RIBC1: variants seen among roughly 807,000 people sequenced by gnomAD.
The protein encoded by RIBC1 is RIB43A domain with coiled-coils 1.
RIBC1 carries 12 observed loss-of-function variants against 33.7 expected under a neutral mutation model. The observed-to-expected ratio is 0.36, with a 90% CI of 0.23 to 0.58. The LOEUF is 0.58. Among genes scored for constraint, RIBC1 ranks in the 20% least tolerant of loss-of-function variants. The pLI, the probability that RIBC1 is intolerant of heterozygous loss-of-function variation, is 0.81. For synonymous variants in RIBC1, 89 were observed against 109.0 expected, an observed-to-expected ratio of 0.82 and a Z score of 1.14; for missense variants, 242 against 311.6, an observed-to-expected ratio of 0.78 and a Z score of 1.68.
At chrX:53,430,080 A>T in intron 6 of RIBC1, 108 bp downstream of exon 6, 4 of 662,585 alleles carry the variant, frequency 6.0e-6, no homozygotes, top group Non-Finnish European at 9.4e-6. Flanking sequence ...AATCAGCATC[A>T]GCCCTCTCAT....
intron 5 of RIBC1, 128 bp from the exon 6 acceptor site, chrX:53,429,726 T>G: frequency 2.8e-6 from 3 of 1,080,536 alleles, no homozygotes; most frequent in Non-Finnish European, 3.7e-6. Flanking sequence ...TCCCTACAAC[T>G]CGGACACTAA....
Position 53,422,878 on chromosome X carries a change from C to G in RIBC1, c.-216C>G, listed in dbSNP as rs868979392. Reference sequence around the variant, plus strand: ...AACACTTGCTCCTGCGGACCAGATCCCCGGAGGAGTTGTTGCTGGGCGGAG... The same window carrying G: ...AACACTTGCTCCTGCGGACCAGATCGCCGGAGGAGTTGTTGCTGGGCGGAG... On this transcript the variant is annotated 5_prime_UTR_variant, in exon 1 of 8. Transcript: ENST00000375327. 5 of 297,086 alleles carry G rather than the reference C, an allele frequency of 1.7e-5. 1 individual carries two copies. Among genetic ancestry groups the G allele is most frequent in the African/African-American group, 1.4e-4 (5 of 36,597 alleles). 24.5% of individuals were successfully genotyped at this position (297,086 alleles called of 1,213,427 possible).
rs1293985329 is a variant in RIBC1 at position 53,430,512 on chromosome X, C to A, written c.780C>A (p.Ala260=). ...SDLLTENPQV[A]QHPMAPYRVL... ...TACTGACTGAAAACCCCCAGGTCGC[C>A]CAACACCCTATGGCTCCCTACCGGG... The change falls in exon 7 of 8, where the codon GCC becomes GCA. Residue 260 remains alanine (A), a synonymous_variant. Coordinates refer to ENST00000375327, the MANE Select transcript of RIBC1 (RefSeq NM_001031745.5). 1 of 1,208,667 alleles carries A rather than the reference C, an allele frequency of 8.3e-7. No individual in the cohort carries two copies.
intron 7 of RIBC1, 31 bp downstream of exon 7, chrX:53,430,821 A>C: frequency 8.3e-7 from 1 of 1,206,705 alleles, no homozygotes; most frequent in Non-Finnish European, 1.1e-6. Flanking sequence ...GTGGAGATAA[A>C]TGCCAAGGGA....
At chrX:53,427,586 G>A (rs782652572) in intron 3 of RIBC1, among the ~76,000 whole-genome samples, 2 of 112,380 alleles carry the variant, frequency 1.8e-5, no homozygotes, top group South Asian at 7.4e-4. Context: ...TCAATATAAT[G>A]TAGACAGTGG....
intron 4 of RIBC1, 99 bp downstream of exon 4, chrX:53,428,183 T>G: frequency 8.3e-7 from 1 of 1,199,472 alleles, no homozygotes; most frequent in Non-Finnish European, 1.1e-6. Context: ...GGCCCTGGGG[T>G]GGTGGGACAA....
chrX:53,429,266 C>T (rs1291881585), intron 5 of RIBC1: 3 of 115,650 alleles, frequency 2.6e-5, no homozygotes, highest in Admixed American at 1.8e-4. Context: ...TTAGGAACAG[C>T]AAGGAGCTCA....
At chrX:53,429,552 C>T (rs1297000055) in intron 5 of RIBC1, 1 of 388,602 alleles carries the variant, frequency 2.6e-6, no homozygotes, top group Non-Finnish European at 3.8e-6. Context: ...ATCATTAGAA[C>T]CCAGCACATG....
chrX:53,428,698 A>G, intron 5 of RIBC1, 71 bp downstream of exon 5: 1 of 1,182,645 alleles, frequency 8.5e-7, no homozygotes, highest in Non-Finnish European at 1.1e-6. Context: ...TGAGTACAGC[A>G]GCCAGGGGAC....
chrX:53,424,407 C>T (rs1443731779), intron 2 of RIBC1, among the ~76,000 whole-genome samples: 3 of 110,108 alleles, frequency 2.7e-5, no homozygotes, highest in African/African-American at 9.9e-5. Context: ...CCACTACACT[C>T]CATCCTGGGC....
intron 2 of RIBC1, among the ~76,000 whole-genome samples, chrX:53,425,515 T>TAAAAAAAAAAAAA (rs782760749): frequency 7.7e-5 from 2 of 25,861 alleles, no homozygotes; most frequent in African/African-American, 3.2e-4. Flanking sequence ...GTAATAAAAG[T>TAAAAAAAAAAAAA]AAAAAAAAAA....
intron 2 of RIBC1, among the ~76,000 whole-genome samples, chrX:53,423,879 G>A (rs1320858949): frequency 1.8e-5 from 2 of 111,316 alleles, no homozygotes; most frequent in African/African-American, 6.6e-5. Context: ...AGCAGTTCAA[G>A]ACCAGCCTGG....
rs1451405327 is a variant in RIBC1 at position 53,431,020 on chromosome X, C to T, written c.*32C>T. On this transcript the variant is annotated 3_prime_UTR_variant, in exon 8 of 8. Coordinates refer to ENST00000375327, the MANE Select transcript of RIBC1 (RefSeq NM_001031745.5). Reference sequence around the variant, plus strand: ...GATGTCTATCTCTCTCTCCCTTCTCCTCCATCAAGCTCACAGGTGGTTAGG... The same window carrying T: ...GATGTCTATCTCTCTCTCCCTTCTCTTCCATCAAGCTCACAGGTGGTTAGG... 3.3e-6 allele frequency: 4 copies of T among 1,209,420 alleles called. No individual in the cohort carries two copies. In the African/African-American group the frequency reaches 7.0e-5, roughly 21 times the overall value.
intron 5 of RIBC1, chrX:53,428,965 A>G (rs2075806672): frequency 2.5e-6 from 1 of 407,426 alleles, no homozygotes; most frequent in Non-Finnish European, 3.6e-6. Context: ...AATAATTTAT[A>G]CCACATAGAG....
At chrX:53,427,382 C>G (rs1385713077) in intron 3 of RIBC1, among the ~76,000 whole-genome samples, 4 of 112,003 alleles carry the variant, frequency 3.6e-5, no homozygotes, top group African/African-American at 1.3e-4. Flanking sequence ...GTGCATAGTG[C>G]CTGCCGTAAG....
intron 3 of RIBC1, among the ~76,000 whole-genome samples, chrX:53,426,641 C>T (rs1431774690): frequency 9.0e-6 from 1 of 111,649 alleles, no homozygotes; most frequent in Non-Finnish European, 1.9e-5. Context: ...CAGCTCTGGG[C>T]CATGTGACCT....
Position 53,429,753 on chromosome X carries a change from C to T in RIBC1, c.545-101C>T, listed in dbSNP as rs781897611. On this transcript the variant is annotated intron_variant, in intron 5 of 7. Transcript: ENST00000375327. ...GGACACTAACCCCCTCCTAAACATT[C>T]GTACACACACAAACACAAAACTTGC... 3.9e-4 allele frequency: 435 copies of T among 1,123,311 alleles called. 1 individual carries two copies. The highest frequency in any genetic ancestry group is 4.7e-4 in the Non-Finnish European group (398 of 842,298). 92.6% of individuals were successfully genotyped at this position (1,123,311 alleles called of 1,213,427 possible).
Position 53,430,742 on chromosome X carries a change from G to T in RIBC1, c.1010G>T (p.Arg337Met). The change falls in exon 7 of 8, where the codon AGG becomes ATG. Residue 337 changes from arginine (R) to methionine (M), a missense_variant. Coordinates refer to ENST00000375327, the MANE Select transcript of RIBC1 (RefSeq NM_001031745.5). The part of the protein sequence containing the change: ...QERELCAVFQ[R>M]GLGSFNQQLA... Reference sequence around the variant, plus strand: ...AGGGAATTGTGTGCTGTATTTCAAAGGGGTCTAGGATCCTTCAACCAGCAG... The same window carrying T: ...AGGGAATTGTGTGCTGTATTTCAAATGGGTCTAGGATCCTTCAACCAGCAG... 1 of 1,205,086 alleles carries T rather than the reference G, an allele frequency of 8.3e-7. No homozygotes were observed. Among genetic ancestry groups the T allele is most frequent in the Admixed American group, 2.2e-5 (1 of 45,116 alleles).
At chrX:53,426,030 G>A (rs2075789679) in intron 2 of RIBC1, among the ~76,000 whole-genome samples, 1 of 112,225 alleles carries the variant, frequency 8.9e-6, no homozygotes, top group African/African-American at 3.2e-5. Flanking sequence ...ATCCAGTGCA[G>A]AGAGGGTAAC....
Sources: gnomAD v4.1 joint callset for allele counts (sites outside exome capture counted in the v4.1 genomes callset) on GRCh38, gnomAD v4.1.1 for gene constraint, MANE v1.5 for transcripts, NCBI Gene and HGNC (gene_info 2026-07-23, HGNC 2026-07-21) for gene names.